The following AGAP1 variants were observed in gnomAD, a reference collection of about 807,000 sequenced individuals.
AGAP1 encodes the protein arf-GAP with GTPase, ANK repeat and PH domain-containing protein 1.
In AGAP1, 29 loss-of-function variants were observed where a neutral mutation model predicts 105.3. The ratio of observed to expected loss-of-function variants is 0.28; its 90% CI spans 0.21 to 0.38. The LOEUF (loss-of-function observed/expected upper bound fraction) is 0.38, where lower values mean the gene tolerates loss of function less well. Among genes scored for constraint, AGAP1 ranks in the 10% least tolerant of loss-of-function variants. The pLI is 1.00. For synonymous variants in AGAP1, 509 were observed against 485.9 expected (o/e 1.05, Z -0.63); for missense variants, 998 against 1,165.1 (o/e 0.86, Z 2.09).
chr2:235,840,357 C>T (rs1355503343), intron 9 of AGAP1, among the ~76,000 whole-genome samples: 1 of 152,244 alleles, frequency 6.6e-6, no homozygotes, highest in Non-Finnish European at 1.5e-5. Flanking sequence ...AACACGGCGA[C>T]ATTTATGTAG....
rs1189106283 is a variant in AGAP1, at chr2:235,724,954, G to A, written c.310+7310G>A. 1.3e-5 allele frequency among the ~76,000 whole-genome samples: 2 copies of A among 152,182 alleles called. No homozygotes were observed. The highest frequency in any genetic ancestry group is 1.5e-5 in the Non-Finnish European group (1 of 68,032). ...ATCAGAGTTTGCTAAAGGCTTGGAGGTTCTGTAGGAAGGAATGAGCCGCTT... is the reference window on the plus strand; with the variant it reads ...ATCAGAGTTTGCTAAAGGCTTGGAGATTCTGTAGGAAGGAATGAGCCGCTT... On this transcript the variant is annotated intron_variant, in intron 3 of 17. Coordinates refer to ENST00000304032, the MANE Select transcript of AGAP1 (RefSeq NM_001037131.3). This position sits in a 1 kb window ranked among gnomAD's most constrained non-coding sequence, Gnocchi z 4.9.
At chr2:235,980,172 CTGAT>C (rs1291868445) in intron 13 of AGAP1, among the ~76,000 whole-genome samples, 1 of 152,224 alleles carries the variant, frequency 6.6e-6, no homozygotes, top group Non-Finnish European at 1.5e-5. Context: ...TGATCACACA[CTGAT>C]TGGGCACAGT....
chr2:236,081,750 A>G (rs928632895), intron 16 of AGAP1, among the ~76,000 whole-genome samples: 2 of 151,374 alleles, frequency 1.3e-5, no homozygotes, highest in African/African-American at 4.9e-5. Flanking sequence ...TAATGAAACC[A>G]TATTTTGAAC....
rs1575233528 is a variant in AGAP1 at position 235,724,450 on chromosome 2, C to T, written c.310+6806C>T. On this transcript the variant is annotated intron_variant, in intron 3 of 17. Coordinates refer to ENST00000304032, the MANE Select transcript of AGAP1 (RefSeq NM_001037131.3). The surrounding 1 kb of genome is among the most constrained non-coding windows in gnomAD (Gnocchi z 4.9). ...GATTAGCCTCCCTCATTCATTTTCC[C>T]GATAGAATATGATAGCTGAGGTAGC... Among the ~76,000 whole-genome samples the T allele has an allele frequency of 1.3e-5, 2 of 152,246 alleles. 1 individual carries two copies.
Position 235,843,973 on chromosome 2 carries a change from C to A in AGAP1, c.1050+36642C>A, listed in dbSNP as rs765611449. Reference sequence around the variant, plus strand: ...CATCAGTGTCACTCAGGACCTTGCCCGCTGCCCCAGCTCAGAGCTTGAACC... The same window carrying A: ...CATCAGTGTCACTCAGGACCTTGCCAGCTGCCCCAGCTCAGAGCTTGAACC... On this transcript the variant is annotated intron_variant, in intron 9 of 17. Transcript: ENST00000304032. This position sits in a 1 kb window ranked among gnomAD's most constrained non-coding sequence, Gnocchi z 5.9. Among the ~76,000 whole-genome samples, 1 of 152,178 alleles carries A rather than the reference C, an allele frequency of 6.6e-6. No individual in the cohort carries two copies. The highest frequency in any genetic ancestry group is 1.5e-5 in the Non-Finnish European group (1 of 68,030).
chr2:235,624,374 T>A (rs751114686), intron 1 of AGAP1, among the ~76,000 whole-genome samples: 4 of 152,206 alleles, frequency 2.6e-5, no homozygotes, highest in Non-Finnish European at 5.9e-5. Context: ...TACTTCTGTG[T>A]CCTTAGACAG....
rs77925925 is a variant in AGAP1 at position 235,693,068 on chromosome 2, G to A, written c.164-16111G>A. On this transcript the variant is annotated intron_variant, in intron 1 of 17. Coordinates refer to ENST00000304032, the MANE Select transcript of AGAP1 (RefSeq NM_001037131.3). ...AGGGGCCTTCCTGATGTGGGCTGCG[G>A]CAGTCACCACTGGGGAAGGCCATGC... Among the ~76,000 whole-genome samples, 25 of 152,294 alleles carry A rather than the reference G, an allele frequency of 1.6e-4. 1 individual carries two copies. The East Asian group carries it at 2.7e-3, about 16-fold the overall frequency.
chr2:236,077,033 C>A lies in AGAP1; in HGVS notation c.2114+27752C>A, dbSNP rs1219040674. Among the ~76,000 whole-genome samples, 4 of 149,056 alleles carry A rather than the reference C, an allele frequency of 2.7e-5. No individual in the cohort carries two copies. In the Admixed American group the frequency reaches 2.7e-4, roughly 10 times the overall value. On this transcript the variant is annotated intron_variant, in intron 16 of 17. Coordinates refer to ENST00000304032, the MANE Select transcript of AGAP1 (RefSeq NM_001037131.3). ...GCTGAGGCGGGAGGATCGCTTGAGTCTGGGAGGAGGAGGTTGCAGTAAGCT... is the reference window on the plus strand; with the variant it reads ...GCTGAGGCGGGAGGATCGCTTGAGTATGGGAGGAGGAGGTTGCAGTAAGCT...
chr2:235,676,379 A>C (rs1355678128), intron 1 of AGAP1, among the ~76,000 whole-genome samples: 1 of 152,222 alleles, frequency 6.6e-6, no homozygotes, highest in Admixed American at 6.5e-5. Flanking sequence ...CTTGACACAT[A>C]GATTTTAGTA....
chr2:235,668,117 T>C (rs949804549), intron 1 of AGAP1, among the ~76,000 whole-genome samples: 1 of 152,126 alleles, frequency 6.6e-6, no homozygotes, highest in African/African-American at 2.4e-5. Context: ...GGTATGACCC[T>C]GTGATGGTGA....
At position 235,699,623 on chromosome 2, in the gene AGAP1, G is replaced by T. The variant is rs913049403; in HGVS notation, c.164-9556G>T. Among the ~76,000 whole-genome samples, 6 of 152,168 alleles carry T rather than the reference G, an allele frequency of 3.9e-5. No individual in the cohort carries two copies. In the East Asian group the frequency reaches 1.2e-3, roughly 29 times the overall value. ...GCACCACATCCAAATTGCATTCCAT[G>T]CCCAAAGTGGTTAACATCCCTCAGA... On this transcript the variant is annotated intron_variant, in intron 1 of 17. Transcript: ENST00000304032.
intron 12 of AGAP1, among the ~76,000 whole-genome samples, chr2:235,966,325 A>T (rs1323809725): frequency 1.4e-5 from 2 of 147,582 alleles, no homozygotes; most frequent in East Asian, 4.1e-4. Flanking sequence ...TCCTCTGGGG[A>T]TGGAGAGAGG....
rs2054593408 is a variant in AGAP1 at position 235,970,398 on chromosome 2, G to T, written c.1645+1775G>T. Among the ~76,000 whole-genome samples the T allele has an allele frequency of 6.6e-6, 1 of 152,042 alleles. No individual in the cohort carries two copies. The highest frequency in any genetic ancestry group is 2.1e-4 in the South Asian group (1 of 4,826). On this transcript the variant is annotated intron_variant, in intron 13 of 17. Transcript: ENST00000304032. The surrounding 1 kb of genome is among the most constrained non-coding windows in gnomAD (Gnocchi z 5.4). ...TAAGACTCCTTCAGACAACCGTTGG[G>T]CAAAAATCACCCTGCCAAGCACGTG...
At chr2:235,947,257 A>G (rs184174789) in intron 12 of AGAP1, among the ~76,000 whole-genome samples, 35 of 152,190 alleles carry the variant, frequency 2.3e-4, no homozygotes, top group African/African-American at 8.4e-4. Flanking sequence ...CCCAAAGTCC[A>G]TTGTATCACT....
chr2:235,653,388 C>T (rs1229267089), intron 1 of AGAP1, among the ~76,000 whole-genome samples: 2 of 151,886 alleles, frequency 1.3e-5, no homozygotes, highest in Non-Finnish European at 2.9e-5. Context: ...GGCATGAAAC[C>T]GGGAGGCAGA....
intron 1 of AGAP1, among the ~76,000 whole-genome samples, chr2:235,587,916 G>T (rs1240077117): frequency 6.6e-6 from 1 of 152,042 alleles, no homozygotes; most frequent in East Asian, 2.0e-4. Context: ...CGGAAGGGAA[G>T]TCATCTGGCA....
In AGAP1 at chr2:236,038,412, C is replaced by T. The variant is rs1339605044; in HGVS notation, c.1800+1697C>T. ...AATTCAGGAAGATCTGGGATGGTGG[C>T]AGCCTTTCCCATTCCACACCTTGCC... On this transcript the variant is annotated intron_variant, in intron 14 of 17. Transcript: ENST00000304032. This position sits in a 1 kb window ranked among gnomAD's most constrained non-coding sequence, Gnocchi z 4.5. 6.6e-6 allele frequency among the ~76,000 whole-genome samples: 1 copy of T among 152,198 alleles called. No homozygotes were observed. The highest frequency in any genetic ancestry group is 1.5e-5 in the Non-Finnish European group (1 of 68,024).
intron 16 of AGAP1, chr2:236,049,512 C>T (rs67962936): frequency 0.022 from 9,894 of 446,910 alleles, 153 homozygotes; most frequent in Middle Eastern, 0.031. Flanking sequence ...GGATTTCTCT[C>T]CCCCCTCTTA....
rs5839611 is a variant in AGAP1, at chr2:235,889,546, CTTT to C, written c.1155+6111_1155+6113del. Among the ~76,000 whole-genome samples, 2,429 of 140,954 alleles carry C rather than the reference CTTT, an allele frequency of 0.017. 60 individuals carry two copies. Among genetic ancestry groups the C allele is most frequent in the African/African-American group, 0.06 (2,275 of 38,078 alleles). 92.5% of individuals were successfully genotyped at this position (140,954 alleles called of 152,430 possible). A position where few individuals can be genotyped will look rare whatever the true frequency, so the allele number is the denominator to read the frequency against. On this transcript the variant is annotated intron_variant, in intron 10 of 17. Coordinates refer to ENST00000304032, the MANE Select transcript of AGAP1 (RefSeq NM_001037131.3). The surrounding 1 kb of genome is among the most constrained non-coding windows in gnomAD (Gnocchi z 4.6). ...CGTCATCCCCCAAAAGTGTCTTTGC[CTTT>C]TTTTTTTTTTTTTAGCCCTGAGCCC...
Sources: gnomAD v4.1 joint callset for allele counts (sites outside exome capture counted in the v4.1 genomes callset) on GRCh38, gnomAD v4.1.1 for gene constraint, Gnocchi (gnomAD v3.1) non-coding constraint, MANE v1.5 for transcripts, NCBI Gene and HGNC (gene_info 2026-07-23, HGNC 2026-07-21) for gene names.